The following ZNF738 variants were observed in gnomAD, a reference collection of about 807,000 sequenced individuals.
The protein encoded by ZNF738 is zinc finger protein 738.
Under a neutral mutation model 9.2 loss-of-function variants are expected in ZNF738, and 10 were observed. That is an observed-to-expected ratio of 1.09 (90% confidence interval 0.67 to 1.85). ZNF738 has a LOEUF of 1.85. Ranked by LOEUF, ZNF738 falls within the 40% of genes most tolerant of loss-of-function variation. ZNF738 has a pLI of 0.00. For synonymous variants in ZNF738, 113 were observed against 94.5 expected (o/e 1.20, Z -1.14); for missense variants, 346 against 283.6 (o/e 1.22, Z -1.58).
chr19:21,381,090 A>T (rs1205410997), intron 4 of ZNF738: 1 of 655,412 alleles, frequency 1.5e-6, no homozygotes, highest in Non-Finnish European at 2.7e-6. Flanking sequence ...TTCATTTTCA[A>T]GATGCATCAC....
chr19:21,366,354 C>G (rs1457146206), intron 2 of ZNF738, among the ~76,000 whole-genome samples: 1 of 152,144 alleles, frequency 6.6e-6, no homozygotes, highest in Non-Finnish European at 1.5e-5. Flanking sequence ...GCTCCTTTAA[C>G]CCACGCTGTC....
chr19:21,376,015 AC>A (rs370130313), intron 4 of ZNF738, 51 bp downstream of exon 4: 30 of 678,624 alleles, frequency 4.4e-5, no homozygotes, highest in Admixed American at 1.7e-4. Flanking sequence ...TTGGAAGATT[AC>A]AAAAAAAAAA....
chr19:21,362,085 AATAATAATAATG>A (rs1032418206), intron 2 of ZNF738, among the ~76,000 whole-genome samples: 1 of 66,042 alleles, frequency 1.5e-5, no homozygotes, highest in African/African-American at 8.1e-5. Context: ...TCCATCTAAT[AATAATAATAATG>A]ATAATAATAA....
chr19:21,365,913 C>T (rs185783394), intron 2 of ZNF738, among the ~76,000 whole-genome samples: 4 of 151,164 alleles, frequency 2.6e-5, no homozygotes, highest in Admixed American at 6.6e-5. Context: ...GCCAAGATCG[C>T]GCCACTGCAC....
At chr19:21,376,990 A>G (rs1034865563) in intron 4 of ZNF738, among the ~76,000 whole-genome samples, 12 of 150,750 alleles carry the variant, frequency 8.0e-5, no homozygotes. Flanking sequence ...ATTCTTGAGG[A>G]CTCTTCTCTA....
At position 21,387,930 on chromosome 19, in the gene ZNF738, CTT is replaced by C. The variant is rs34233690; in HGVS notation, c.*4260_*4261del. Among the ~76,000 whole-genome samples the C allele has an allele frequency of 6.6e-6, 1 of 152,034 alleles. No individual in the cohort carries two copies. Among genetic ancestry groups the C allele is most frequent in the African/African-American group, 2.4e-5 (1 of 41,412 alleles). ...CAGATATAATAAATGTGGAAAAACACTTTTTCAAAAACTACATCAGAAAACAC... is the reference window on the plus strand; with the variant it reads ...CAGATATAATAAATGTGGAAAAACACTTTCAAAAACTACATCAGAAAACAC... On this transcript the variant is annotated 3_prime_UTR_variant, in exon 5 of 5. Transcript: ENST00000683779.
intron 2 of ZNF738, among the ~76,000 whole-genome samples, chr19:21,374,844 A>G (rs552144516): frequency 2.0e-5 from 3 of 152,186 alleles, no homozygotes; most frequent in Admixed American, 6.5e-5. Flanking sequence ...AAAAATCTGC[A>G]TAAGATCTCC....
At chr19:21,371,059 T>C (rs1254810392) in intron 2 of ZNF738, among the ~76,000 whole-genome samples, 3 of 152,190 alleles carry the variant, frequency 2.0e-5, no homozygotes, top group East Asian at 1.9e-4. Flanking sequence ...AATCTGTAAG[T>C]GTAAACAAGA....
Position 21,359,023 on chromosome 19 carries a change from C to T in ZNF738, c.-118C>T, listed in dbSNP as rs990218309. On this transcript the variant is annotated 5_prime_UTR_variant, in exon 1 of 5. Coordinates refer to ENST00000683779, the MANE Select transcript of ZNF738 (RefSeq NM_001355237.2). The stretch of plus-strand genomic sequence containing the variant: ...TTGTCTTTGGCTGCCGCTGGAACTC[C>T]GGGTCTCGTCTTCACTGCTCTGTGT... 14 of 778,792 alleles carry T rather than the reference C, an allele frequency of 1.8e-5. No homozygotes were observed. The highest frequency in any genetic ancestry group is 8.7e-5 in the Admixed American group (5 of 57,592). 48.2% of individuals were successfully genotyped at this position (778,792 alleles called of 1,614,324 possible).
At chr19:21,367,881 G>A (rs1032543213) in intron 2 of ZNF738, among the ~76,000 whole-genome samples, 2 of 152,136 alleles carry the variant, frequency 1.3e-5, no homozygotes, top group South Asian at 2.1e-4. Flanking sequence ...CCAAAAAGAC[G>A]CAAAAGTGTC....
chr19:21,365,992 T>C (rs73545768), intron 2 of ZNF738, among the ~76,000 whole-genome samples: 2,583 of 152,062 alleles, frequency 0.017, 82 homozygotes, highest in African/African-American at 0.055. Flanking sequence ...CCAGAAAGTT[T>C]ATCCTGCATT....
chr19:21,381,357 A>G (rs1974001758), intron 4 of ZNF738: 1 of 1,504,426 alleles, frequency 6.6e-7, no homozygotes, highest in South Asian at 1.1e-5. Flanking sequence ...TTTTTGATGA[A>G]TACTCTGACT....
Position 21,388,047 on chromosome 19 carries a change from A to T in ZNF738, c.*4373A>T, listed in dbSNP as rs1337238770. Among the ~76,000 whole-genome samples the T allele has an allele frequency of 6.6e-6, 1 of 152,204 alleles. No individual in the cohort carries two copies. Among genetic ancestry groups the T allele is most frequent in the Non-Finnish European group, 1.5e-5 (1 of 68,018 alleles). On this transcript the variant is annotated 3_prime_UTR_variant, in exon 5 of 5. Transcript: ENST00000683779. Reference sequence around the variant, plus strand: ...TAGGGCTATGTAAATATCAGAATTTATAATAGAAATATATAAGGAACTGAC... The same window carrying T: ...TAGGGCTATGTAAATATCAGAATTTTTAATAGAAATATATAAGGAACTGAC...
At chr19:21,377,612 A>C (rs1973947866) in intron 4 of ZNF738, 1 of 474,512 alleles carries the variant, frequency 2.1e-6, no homozygotes, top group Non-Finnish European at 3.7e-6. Flanking sequence ...TTTTGACTTA[A>C]AGTACTTTAT....
intron 4 of ZNF738, among the ~76,000 whole-genome samples, chr19:21,382,665 A>G (rs757568621): frequency 6.6e-6 from 1 of 152,072 alleles, no homozygotes; most frequent in Non-Finnish European, 1.5e-5. Flanking sequence ...TTAAACATTT[A>G]GTTCATTTAT....
intron 1 of ZNF738, among the ~76,000 whole-genome samples, 164 bp from the exon 2 acceptor site, chr19:21,361,602 T>G (rs899752356): frequency 2.0e-5 from 3 of 152,200 alleles, no homozygotes; most frequent in Admixed American, 6.5e-5. Flanking sequence ...TGGGTCAGAG[T>G]TCTGCTTTGG....
chr19:21,377,413 C>G (rs1447681493), intron 4 of ZNF738: 1 of 705,692 alleles, frequency 1.4e-6, no homozygotes, highest in Admixed American at 2.0e-5. Flanking sequence ...AAATTTCCTA[C>G]TATAATTATA....
intron 2 of ZNF738, among the ~76,000 whole-genome samples, chr19:21,370,292 A>G (rs1257238547): frequency 6.6e-6 from 1 of 152,126 alleles, no homozygotes; most frequent in Non-Finnish European, 1.5e-5. Context: ...GTTTGCCAGT[A>G]TTTTGTTGAT....
chr19:21,376,801 G>C (rs1973934191), intron 4 of ZNF738, among the ~76,000 whole-genome samples: 1 of 151,932 alleles, frequency 6.6e-6, no homozygotes. Flanking sequence ...TGGGATTACA[G>C]GCGTGAGCCA....
Sources: allele counts gnomAD v4.1 joint callset (sites outside exome capture counted in the v4.1 genomes callset), GRCh38; gene constraint gnomAD v4.1.1; transcripts MANE v1.5; gene names NCBI Gene and HGNC (gene_info 2026-07-23, HGNC 2026-07-21).